The following C2orf81 variants were observed in gnomAD, a reference collection of about 807,000 sequenced individuals.
C2orf81 encodes uncharacterized protein C2orf81.
A neutral mutation model predicts 7.9 loss-of-function variants in C2orf81; 5 were observed. That is an observed-to-expected ratio of 0.63 (90% CI 0.33 to 1.33). C2orf81 has a LOEUF of 1.33. C2orf81 is among the 40% of genes most tolerant of loss of function. The probability of loss-of-function intolerance (pLI) is 0.05; values close to 1 mark genes in which losing one functional copy is unlikely to be tolerated. For synonymous variants in C2orf81, 346 were observed against 367.4 expected (o/e 0.94, Z 0.66); for missense variants, 781 against 830.4 (o/e 0.94, Z 0.73).
At chr2:74,418,666 G>A in intron 1 of C2orf81, 1 of 550,860 alleles carries the variant, frequency 1.8e-6, no homozygotes, top group East Asian at 3.1e-5. Context: ...GAAGAGCACA[G>A]CCCCGGCTCA....
intron 1 of C2orf81, among the ~76,000 whole-genome samples, chr2:74,417,183 G>A (rs1676490569): frequency 6.6e-6 from 1 of 152,266 alleles, no homozygotes; most frequent in Non-Finnish European, 1.5e-5. Context: ...TCCAGAGGTA[G>A]TTTGTGAACA....
chr2:74,421,421 C>G, intron 1 of C2orf81, 122 bp downstream of exon 1: 1 of 252,640 alleles, frequency 4.0e-6, no homozygotes, highest in Non-Finnish European at 7.6e-6. Flanking sequence ...CATCTAAACT[C>G]CCGCGCGGTG....
In C2orf81 at chr2:74,415,952, G is replaced by A. The variant is rs769540450; in HGVS notation, c.250-25C>T. The A allele has an allele frequency of 5.2e-6, 8 of 1,547,020 alleles. No individual in the cohort carries two copies. In the Admixed American group the frequency reaches 7.9e-5, roughly 15 times the overall value. ...ACTGCGGAGGCGAGAGAGGATCTCA[G>A]GTCGGCAGGGAGGGGCGGGAGAGGG... On this transcript the variant is annotated intron_variant, in intron 2 of 2. Coordinates refer to ENST00000684111, the MANE Select transcript of C2orf81 (RefSeq NM_001316764.3). This position sits in a 1 kb window ranked among gnomAD's most constrained non-coding sequence, Gnocchi z 5.5.
chr2:74,415,280 C>T lies in C2orf81; in HGVS notation c.897G>A (p.Ser299=). The T allele has an allele frequency of 6.4e-7, 1 of 1,551,438 alleles. No individual in the cohort carries two copies. The highest frequency in any genetic ancestry group is 1.7e-4 in the Middle Eastern group (1 of 5,992). ...GCATGCAACAGTAGAGGTCTTCCAA[C>T]GACAAATGGAAGCCGAGGGGGTGTC... ...GRGHPLGFHL[S]LEDLYCCMPQ... is the part of the protein sequence containing the mutation. The change falls in exon 3 of 3, where the codon TCG becomes TCA. Residue 299 remains serine (S), a synonymous_variant. Transcript: ENST00000684111. The surrounding 1 kb of genome is among the most constrained non-coding windows in gnomAD (Gnocchi z 5.5).
rs61999261 is a variant in C2orf81 at position 74,416,088 on chromosome 2, C to T, written c.172G>A (p.Asp58Asn). Residue 58 changes from aspartate (D) to asparagine (N), a missense_variant, in exon 2 of 3, where the codon GAC becomes AAC. Physicochemically the swap from Asp to Asn is conservative, Grantham distance 23. Transcript: ENST00000684111. ...TCGGCCAAGATGTCCCCTACGACGT[C>T]CTCGCCCTCCTCGAGGGCTGTAAGC... Reference protein sequence around the residue: ...MALTALEEGEDVVGDILADLL... With the variant: ...MALTALEEGENVVGDILADLL... The T allele has an allele frequency of 9.5e-3, 14,683 of 1,544,806 alleles. 106 individuals carry two copies. The highest frequency in any genetic ancestry group is 0.023 in the South Asian group (1,928 of 83,176).
chr2:74,421,619 C>T lies in C2orf81; in HGVS notation c.-59G>A, dbSNP rs531150326. Reference sequence around the variant, plus strand: ...GCTGCATCCGGGCCGCGTAAGCCACCTAACAGTCGCCTGGGCAACCACGGG... The same window carrying T: ...GCTGCATCCGGGCCGCGTAAGCCACTTAACAGTCGCCTGGGCAACCACGGG... On this transcript the variant is annotated 5_prime_UTR_variant, in exon 1 of 3. Coordinates refer to ENST00000684111, the MANE Select transcript of C2orf81 (RefSeq NM_001316764.3). 1.8e-5 allele frequency: 8 copies of T among 439,196 alleles called. No homozygotes were observed. The East Asian group carries it at 2.5e-4, about 14-fold the overall frequency. The allele number at this position is 439,196 out of a possible 1,614,324, so 27.2% of individuals were successfully genotyped here. A position where few individuals can be genotyped will look rare whatever the true frequency, so the allele number is the denominator to read the frequency against.
At chr2:74,417,420 G>A (rs1305944972) in intron 1 of C2orf81, 3 of 1,310,090 alleles carry the variant, frequency 2.3e-6, no homozygotes, top group Non-Finnish European at 3.0e-6. Flanking sequence ...ACTGCAATAT[G>A]TACTCAGATC....
Position 74,416,258 on chromosome 2 carries a change from T to C in C2orf81, c.19-17A>G. The C allele has an allele frequency of 7.5e-7, 1 of 1,329,900 alleles. No homozygotes were observed. The highest frequency in any genetic ancestry group is 9.9e-7 in the Non-Finnish European group (1 of 1,012,418). 82.4% of individuals were successfully genotyped at this position (1,329,900 alleles called of 1,614,324 possible). On this transcript the variant is annotated splice_polypyrimidine_tract_variant and intron_variant, in intron 1 of 2. Coordinates refer to ENST00000684111, the MANE Select transcript of C2orf81 (RefSeq NM_001316764.3). ...CTCCTGCCTCTGTGAGAACAAAACATGGCAATCAGAGCAGGAAACCAAGAA... is the reference window on the plus strand; with the variant it reads ...CTCCTGCCTCTGTGAGAACAAAACACGGCAATCAGAGCAGGAAACCAAGAA...
Position 74,414,409 on chromosome 2 carries a change from C to A in C2orf81, c.1768G>T (p.Glu590Ter). 7.8e-6 allele frequency: 12 copies of A among 1,546,834 alleles called. No individual in the cohort carries two copies. Among genetic ancestry groups the A allele is most frequent in the Non-Finnish European group, 1.0e-5 (12 of 1,143,914 alleles). ...GTGCTACCTTCTTTGTCCTCTTGTT[C>A]AGGCACACCAGAGCTGAGCAACACC... ...TQVLLSSGVPEQEDKEGSTFP... is the reference protein window; with the variant it reads ...TQVLLSSGVP The change falls in exon 3 of 3, where the codon GAA (glutamate) becomes TAA (stop). Residue 590 changes from glutamate (E) to a stop codon, truncating the protein, a stop_gained. Coordinates refer to ENST00000684111, the MANE Select transcript of C2orf81 (RefSeq NM_001316764.3). LOFTEE classifies it low-confidence loss of function (END_TRUNC). This position sits in a 1 kb window ranked among gnomAD's most constrained non-coding sequence, Gnocchi z 5.3.
In C2orf81 at chr2:74,414,592, G is replaced by A. The variant is rs965251194; in HGVS notation, c.1585C>T (p.Leu529=). ...TGGCCCTCCCTGTCTGCCAGCTCCA[G>A]ACCCTGTGGAGGCACGCGGGTCCGG... The part of the protein sequence containing the change: ...AGRTRVPPQG[L]ELADREGQDP... Residue 529 remains leucine, a synonymous_variant, in exon 3 of 3, where the codon CTG becomes TTG. Transcript: ENST00000684111. This position sits in a 1 kb window ranked among gnomAD's most constrained non-coding sequence, Gnocchi z 5.3. The A allele has an allele frequency of 6.5e-7, 1 of 1,548,742 alleles. No individual in the cohort carries two copies. Among genetic ancestry groups the A allele is most frequent in the Admixed American group, 2.0e-5 (1 of 50,872 alleles).
intron 1 of C2orf81, chr2:74,418,497 G>T: frequency 8.9e-7 from 1 of 1,124,332 alleles, no homozygotes; most frequent in Non-Finnish European, 1.3e-6. Flanking sequence ...GGCGAACTCG[G>T]CCGCTGGCCT....
chr2:74,417,532 C>A, intron 1 of C2orf81: 1 of 1,143,534 alleles, frequency 8.7e-7, no homozygotes, highest in Admixed American at 2.5e-5. Flanking sequence ...CAACCTAGTG[C>A]AGGGACTAGG....
chr2:74,420,575 G>C (rs1676576270), intron 1 of C2orf81, among the ~76,000 whole-genome samples: 1 of 152,078 alleles, frequency 6.6e-6, no homozygotes, highest in Non-Finnish European at 1.5e-5. Flanking sequence ...AGTGAGAACA[G>C]CCCTGTAGCA....
chr2:74,417,307 G>A (rs1676493234), intron 1 of C2orf81: 2 of 1,242,826 alleles, frequency 1.6e-6, no homozygotes, highest in East Asian at 5.5e-5. Context: ...ATGGCCAAGT[G>A]GTAGAAGCAA....
rs1228209255 is a variant in C2orf81 at position 74,420,766 on chromosome 2, CTTCTTCTTTTT to C, written c.18+766_18+776del. Among the ~76,000 whole-genome samples, 132 of 131,452 alleles carry C rather than the reference CTTCTTCTTTTT, an allele frequency of 1.0e-3. 1 individual carries two copies. The highest frequency in any genetic ancestry group is 4.1e-3 in the Middle Eastern group (1 of 246). 86.2% of individuals were successfully genotyped at this position (131,452 alleles called of 152,430 possible). On this transcript the variant is annotated intron_variant, in intron 1 of 2. Coordinates refer to ENST00000684111, the MANE Select transcript of C2orf81 (RefSeq NM_001316764.3). ...GCTCTTCAAATCCGTTTTCTTTCTT[CTTCTTCTTTTT>C]TTTTTTTTTTTTTTTTTTTTTTTGA... is the stretch of plus-strand genomic sequence containing the variant.
Position 74,415,538 on chromosome 2 carries a change from C to T in C2orf81, c.639G>A (p.Glu213=), listed in dbSNP as rs562031088. 13 of 1,548,798 alleles carry T rather than the reference C, an allele frequency of 8.4e-6. No homozygotes were observed. The highest frequency in any genetic ancestry group is 5.9e-5 in the Admixed American group (3 of 50,968). Reference sequence around the variant, plus strand: ...ACGTGACTCTCAGCTGCGGAGAAGGCTCCCAAGATTCCATCTGCTCCTGGG... The same window carrying T: ...ACGTGACTCTCAGCTGCGGAGAAGGTTCCCAAGATTCCATCTGCTCCTGGG... ...RGSQEQMESW[E]PSPQLRVTSA... is the part of the protein sequence containing the mutation. Residue 213 remains glutamate, a synonymous_variant, in exon 3 of 3, where the codon GAG becomes GAA. Transcript: ENST00000684111. This position sits in a 1 kb window ranked among gnomAD's most constrained non-coding sequence, Gnocchi z 5.5.
intron 1 of C2orf81, chr2:74,417,450 G>C: frequency 7.6e-7 from 1 of 1,309,480 alleles, no homozygotes. Flanking sequence ...CGGTAAGGGG[G>C]CTGGGGCCAC....
In C2orf81 at chr2:74,415,430, G is replaced by A; in HGVS notation, c.747C>T (p.Gly249=). The A allele has an allele frequency of 6.5e-7, 1 of 1,530,960 alleles. No individual in the cohort carries two copies. 94.8% of individuals were successfully genotyped at this position (1,530,960 alleles called of 1,614,324 possible). A position where few individuals can be genotyped will look rare whatever the true frequency, so the allele number is the denominator to read the frequency against. ...CGCTCAAGGACCCGGCCGAGGAGAG[G>A]CCTCTAGACTGGCCGTCCGCTTCCT... ...PVEEADGQSR[G]LSSAGSLSAS... Residue 249 remains glycine (G), a synonymous_variant, in exon 3 of 3, where the codon GGC becomes GGT. Coordinates refer to ENST00000684111, the MANE Select transcript of C2orf81 (RefSeq NM_001316764.3). The surrounding 1 kb of genome is among the most constrained non-coding windows in gnomAD (Gnocchi z 5.5).
chr2:74,414,554 T>A lies in C2orf81; in HGVS notation c.1623A>T (p.Arg541Ser). ...LADREGQDPG[R>S]WPRTTPPVLE... is the part of the protein sequence containing the mutation. The stretch of plus-strand genomic sequence containing the variant: ...GGACCGGGGGTGTGGTTCGAGGCCA[T>A]CTGCCAGGATCCTGGCCCTCCCTGT... Residue 541 changes from arginine (R) to serine (S), a missense_variant, in exon 3 of 3, where the codon AGA becomes AGT. By Grantham distance (110) the Arg-to-Ser change is moderately radical (BLOSUM62 -1). Transcript: ENST00000684111. This position sits in a 1 kb window ranked among gnomAD's most constrained non-coding sequence, Gnocchi z 5.3. 1 of 1,540,750 alleles carries A rather than the reference T, an allele frequency of 6.5e-7. No homozygotes were observed. The highest frequency in any genetic ancestry group is 8.8e-7 in the Non-Finnish European group (1 of 1,139,380).
Sources: gnomAD v4.1 joint callset for allele counts (sites outside exome capture counted in the v4.1 genomes callset) on GRCh38, gnomAD v4.1.1 for gene constraint, Gnocchi (gnomAD v3.1) non-coding constraint, MANE v1.5 for transcripts, NCBI Gene and HGNC (gene_info 2026-07-23, HGNC 2026-07-21) for gene names.